MBNL2: variants seen among roughly 807,000 people sequenced by gnomAD.
MBNL2 encodes muscleblind like splicing regulator 2.
MBNL2 carries 17 observed loss-of-function variants against 41.9 expected under a neutral mutation model. The ratio of observed to expected loss-of-function variants is 0.41; its 90% CI spans 0.28 to 0.61. MBNL2 has a LOEUF of 0.61. MBNL2 is among the 20% of genes least tolerant of loss of function. The probability of loss-of-function intolerance (pLI) is 0.35; values close to 1 mark genes in which losing one functional copy is unlikely to be tolerated. For missense variants in MBNL2, 336 were observed against 505.6 expected (o/e 0.66, Z 3.22); for synonymous variants, 195 against 182.9 (o/e 1.07, Z -0.53).
chr13:97,151,314 C>T, the MBNL2 span, among the ~76,000 whole-genome samples: 1 of 152,110 alleles, frequency 6.6e-6, no homozygotes, highest in Middle Eastern at 3.2e-3. Context: ...ACCCTGGATT[C>T]CCTCTCTCAC....
chr13:97,146,522 A>C, the MBNL2 span, among the ~76,000 whole-genome samples: 1 of 152,202 alleles, frequency 6.6e-6, no homozygotes, highest in African/African-American at 2.4e-5. Context: ...GTGGGCTTTC[A>C]GAAAGCACAC....
At chr13:97,275,553 G>A (rs2052027479) in intron 1 of MBNL2, 79 bp from the exon 2 acceptor site, 3 of 152,170 alleles carry the variant, frequency 2.0e-5, no homozygotes. Flanking sequence ...GCAAATTCTA[G>A]ATAAGAGTTC....
intron 8 of MBNL2, among the ~76,000 whole-genome samples, chr13:97,368,412 T>TTAAAATAAAA (rs113780491): frequency 0.081 from 11,859 of 146,064 alleles, 596 homozygotes; most frequent in East Asian, 0.17. Flanking sequence ...ACACCCTGTC[T>TTAAAATAAAA]TAAAATAAAA....
chr13:97,171,890 G>A, the MBNL2 span, among the ~76,000 whole-genome samples: 1 of 152,144 alleles, frequency 6.6e-6, no homozygotes, highest in African/African-American at 2.4e-5. Context: ...TTAATAAGGG[G>A]AAACTCTTTT....
At chr13:97,238,286 A>T (rs543069871) in intron 1 of MBNL2, among the ~76,000 whole-genome samples, 1 of 152,322 alleles carries the variant, frequency 6.6e-6, no homozygotes, top group African/African-American at 2.4e-5. Flanking sequence ...GCTTGGGTAG[A>T]TGACACAGGC....
intron 5 of MBNL2, among the ~76,000 whole-genome samples, chr13:97,348,466 G>A (rs879410142): frequency 6.6e-6 from 1 of 152,092 alleles, no homozygotes; most frequent in Non-Finnish European, 1.5e-5. Flanking sequence ...TTTCATGTGA[G>A]CTCTCTGGCT....
chr13:97,342,926 G>T (rs1011214140), intron 3 of MBNL2, 90 bp from the exon 4 acceptor site: 36 of 745,722 alleles, frequency 4.8e-5, no homozygotes, highest in Non-Finnish European at 7.3e-5. Context: ...AGTATATGAT[G>T]AATACATTTT....
chr13:97,328,255 G>A (rs1470669457), intron 2 of MBNL2, among the ~76,000 whole-genome samples: 3 of 147,194 alleles, frequency 2.0e-5, no homozygotes, highest in Non-Finnish European at 4.4e-5. Context: ...TAACTCCAGA[G>A]CAAGAGCCTT....
chr13:97,201,448 C>T, the MBNL2 span, among the ~76,000 whole-genome samples: 1 of 152,004 alleles, frequency 6.6e-6, no homozygotes, highest in Non-Finnish European at 1.5e-5. Flanking sequence ...GATGGATGAA[C>T]AAATGGATTG....
the MBNL2 span, among the ~76,000 whole-genome samples, chr13:97,170,379 A>G: frequency 6.6e-6 from 1 of 152,230 alleles, no homozygotes; most frequent in Non-Finnish European, 1.5e-5. Context: ...TAACTGCCCA[A>G]TTAGTTTCCC....
At chr13:97,159,431 C>T in the MBNL2 span, among the ~76,000 whole-genome samples, 1 of 151,344 alleles carries the variant, frequency 6.6e-6, no homozygotes, top group East Asian at 1.9e-4. Flanking sequence ...GAATTTGATC[C>T]TGTCATTATG....
intron 1 of MBNL2, among the ~76,000 whole-genome samples, chr13:97,235,236 T>C (rs971429703): frequency 1.3e-5 from 2 of 152,058 alleles, no homozygotes; most frequent in Non-Finnish European, 2.9e-5. Context: ...TCTGTACTAG[T>C]ATTAGTTTTA....
At chr13:97,142,579 G>A in the MBNL2 span, among the ~76,000 whole-genome samples, 8 of 152,198 alleles carry the variant, frequency 5.3e-5, no homozygotes, top group Non-Finnish European at 1.2e-4. Flanking sequence ...TGGCCTCCTC[G>A]AAGGAGGCTT....
chr13:97,320,170 C>T (rs1453531172), intron 2 of MBNL2, among the ~76,000 whole-genome samples: 1 of 151,670 alleles, frequency 6.6e-6, no homozygotes, highest in Non-Finnish European at 1.5e-5. Flanking sequence ...CTTAGAGCAA[C>T]AGAAATTTAT....
chr13:97,255,632 G>C (rs1442157950), intron 1 of MBNL2, among the ~76,000 whole-genome samples: 1 of 152,214 alleles, frequency 6.6e-6, no homozygotes, highest in South Asian at 2.1e-4. Flanking sequence ...GCTACCCGTA[G>C]ATGGCAGCCA....
the MBNL2 span, among the ~76,000 whole-genome samples, chr13:97,166,705 C>A: frequency 6.6e-6 from 1 of 151,996 alleles, no homozygotes; most frequent in Non-Finnish European, 1.5e-5. Context: ...CAGACTGGCT[C>A]TCCTTGCTCC....
Position 97,225,330 on chromosome 13 carries a change from G to C in MBNL2, c.-605+2799G>C, listed in dbSNP as rs549431608. On this transcript the variant is annotated intron_variant, in intron 1 of 8. Transcript: ENST00000679496. ...TCCTTTTTTCCTGTACTTTCCTACCGATAACAAGAAAAAGATGAAAAGGAA... is the reference window on the plus strand; with the variant it reads ...TCCTTTTTTCCTGTACTTTCCTACCCATAACAAGAAAAAGATGAAAAGGAA... 3.2e-3 allele frequency among the ~76,000 whole-genome samples: 488 copies of C among 152,064 alleles called. 1 individual carries two copies. Among genetic ancestry groups the C allele is most frequent in the Non-Finnish European group, 4.8e-3 (324 of 68,006 alleles).
At chr13:97,156,452 A>G in the MBNL2 span, among the ~76,000 whole-genome samples, 1 of 141,108 alleles carries the variant, frequency 7.1e-6, no homozygotes, top group Admixed American at 7.2e-5. Flanking sequence ...TTGGTGTTTT[A>G]GACATGAAGT....
At chr13:97,190,931 C>T in the MBNL2 span, among the ~76,000 whole-genome samples, 1 of 152,014 alleles carries the variant, frequency 6.6e-6, no homozygotes, top group Non-Finnish European at 1.5e-5. Flanking sequence ...GCTCTGGTTG[C>T]TTTTATTCCA....
Sources: allele counts gnomAD v4.1 joint callset (sites outside exome capture counted in the v4.1 genomes callset), GRCh38; gene constraint gnomAD v4.1.1; transcripts MANE v1.5; gene names NCBI Gene and HGNC (gene_info 2026-07-23, HGNC 2026-07-21).